Variants in YWHAZ observed in about 807,000 individuals in gnomAD.
The protein encoded by YWHAZ is 14-3-3 protein zeta/delta.
For missense variants in YWHAZ, 79 were observed against 284.8 expected (o/e 0.28, Z 5.20); for synonymous variants, 87 against 103.6 (o/e 0.84, Z 0.97).
chr8:100,951,581 C>G (rs1810786822), intron 1 of YWHAZ: 1 of 985,210 alleles, frequency 1.0e-6, no homozygotes, highest in Admixed American at 6.2e-5. Context: ...CGGCCGGCGG[C>G]GCCCCGGCCA....
chr8:100,933,204 CA>C, intron 2 of YWHAZ, among the ~76,000 whole-genome samples: 1 of 152,104 alleles, frequency 6.6e-6, no homozygotes, highest in South Asian at 2.1e-4. Flanking sequence ...ACTAAAAATA[CA>C]AAAATTAGCT....
In YWHAZ at chr8:100,918,344, C is replaced by CAAAAAAAAAAAAAAAAAA. The variant is rs557779840; in HGVS notation, c.*2348_*2349insTTTTTTTTTTTTTTTTTT. ...GGTGACAGAGCAAGACTCTTGTCTCCAAAAAAAAAAAAAACAACAAAAAAA... is the reference window on the plus strand; with the variant it reads ...GGTGACAGAGCAAGACTCTTGTCTCCAAAAAAAAAAAAAAAAAAAAAAAAAAAAAAAACAACAAAAAAA... On this transcript the variant is annotated 3_prime_UTR_variant, in exon 6 of 6. Transcript: ENST00000395958. 1 of 39,166 alleles carries CAAAAAAAAAAAAAAAAAA rather than the reference C, an allele frequency of 2.6e-5. No individual in the cohort carries two copies. Among genetic ancestry groups the CAAAAAAAAAAAAAAAAAA allele is most frequent in the African/African-American group, 8.2e-5 (1 of 12,210 alleles). The allele number at this position is 39,166 out of a possible 1,614,324, so 2.4% of individuals were successfully genotyped here.
chr8:100,934,134 G>A (rs962164403), intron 2 of YWHAZ, among the ~76,000 whole-genome samples: 12 of 117,404 alleles, frequency 1.0e-4, no homozygotes, highest in Admixed American at 2.2e-4. Context: ...ACTCCAGCCT[G>A]GGCAACAAAG....
intron 2 of YWHAZ, among the ~76,000 whole-genome samples, chr8:100,947,893 T>C (rs1415860184): frequency 6.6e-6 from 1 of 152,244 alleles, no homozygotes; most frequent in African/African-American, 2.4e-5. Flanking sequence ...ATTTAAACTA[T>C]TCTTGATCAA....
intron 2 of YWHAZ, among the ~76,000 whole-genome samples, chr8:100,940,943 T>A (rs1168146742): frequency 6.6e-6 from 1 of 152,228 alleles, no homozygotes. Context: ...TAAAGTTTTA[T>A]CTCTGCTCCA....
chr8:100,939,705 A>C (rs973058106), intron 2 of YWHAZ, among the ~76,000 whole-genome samples: 2 of 151,988 alleles, frequency 1.3e-5, no homozygotes, highest in Middle Eastern at 3.4e-3. Context: ...ACAAATTTTG[A>C]AATGTTGTTC....
chr8:100,928,658 G>A (rs1257724662), intron 2 of YWHAZ, among the ~76,000 whole-genome samples: 4 of 151,878 alleles, frequency 2.6e-5, no homozygotes, highest in African/African-American at 9.7e-5. Flanking sequence ...ACTTGAACCC[G>A]GGAGGCAGAG....
intron 1 of YWHAZ, chr8:100,951,016 C>T (rs1810712480): frequency 5.1e-6 from 2 of 392,726 alleles, no homozygotes; most frequent in Non-Finnish European, 3.5e-6. Context: ...GTTCTCTACC[C>T]CGACCTGGAC....
At chr8:100,938,840 C>G (rs1044504454) in intron 2 of YWHAZ, among the ~76,000 whole-genome samples, 1 of 152,170 alleles carries the variant, frequency 6.6e-6, no homozygotes, top group Non-Finnish European at 1.5e-5. Context: ...ACCAGAAATG[C>G]TAATGATTAG....
chr8:100,930,368 A>T (rs1813681948), intron 2 of YWHAZ, among the ~76,000 whole-genome samples: 1 of 150,756 alleles, frequency 6.6e-6, no homozygotes, highest in African/African-American at 2.5e-5. Flanking sequence ...AAGTGCTGGG[A>T]TTACAGGTGT....
chr8:100,952,211 G>A (rs1810847249), upstream of YWHAZ: 6 of 962,422 alleles, frequency 6.2e-6, no homozygotes, highest in Non-Finnish European at 7.4e-6. Context: ...GCCCGCCCGC[G>A]CTGGAGGGCG....
In YWHAZ at chr8:100,920,702, C is replaced by T. The variant is rs1265753140; in HGVS notation, c.729G>A (p.Gly243=). ...AAAGTTGGAAGGCCGGTTAATTTTC[C>T]CCTCCTTCTCCTGCTTCAGCTTCGT... ...QGDEAEAGEG[G]EN Residue 243 remains glycine (G), a synonymous_variant, in exon 6 of 6, where the codon GGG becomes GGA. Coordinates refer to ENST00000395958, the MANE Select transcript of YWHAZ (RefSeq NM_145690.3). 5 of 1,611,304 alleles carry T rather than the reference C, an allele frequency of 3.1e-6. No homozygotes were observed. Among genetic ancestry groups the T allele is most frequent in the Non-Finnish European group, 3.4e-6 (4 of 1,179,114 alleles).
At chr8:100,939,864 T>C (rs901237600) in intron 2 of YWHAZ, among the ~76,000 whole-genome samples, 2 of 151,154 alleles carry the variant, frequency 1.3e-5, no homozygotes, top group East Asian at 2.0e-4. Context: ...TACTAAAAAA[T>C]ACAAAAGAAT....
intron 2 of YWHAZ, among the ~76,000 whole-genome samples, chr8:100,940,575 T>C (rs1809759374): frequency 6.6e-6 from 1 of 152,260 alleles, no homozygotes; most frequent in Non-Finnish European, 1.5e-5. Flanking sequence ...AATAAAAAAT[T>C]TCAGCTTTCT....
chr8:100,920,672 A>T lies in YWHAZ; in HGVS notation c.*21T>A, dbSNP rs560476770. 1 of 1,598,248 alleles carries T rather than the reference A, an allele frequency of 6.3e-7. No homozygotes were observed. Among genetic ancestry groups the T allele is most frequent in the South Asian group, 1.1e-5 (1 of 90,616 alleles). The stretch of plus-strand genomic sequence containing the variant: ...TACTGTGTAAATTTTAGAATGAGGC[A>T]GACAAAAGTTGGAAGGCCGGTTAAT... On this transcript the variant is annotated 3_prime_UTR_variant, in exon 6 of 6. Transcript: ENST00000395958.
chr8:100,944,523 T>C (rs905797260), intron 2 of YWHAZ, among the ~76,000 whole-genome samples: 1 of 152,230 alleles, frequency 6.6e-6, no homozygotes, highest in Non-Finnish European at 1.5e-5. Flanking sequence ...AGACCTCCTA[T>C]ATAAAGTCAT....
At chr8:100,952,976 T>A, upstream of YWHAZ, 20 of 1,000,146 alleles carry the variant, frequency 2.0e-5, no homozygotes, top group Non-Finnish European at 2.4e-5. Context: ...CTGCGCTCGG[T>A]GACTGCGCGA....
At chr8:100,952,750 G>A, upstream of YWHAZ, 1 of 984,340 alleles carries the variant, frequency 1.0e-6, no homozygotes, top group Admixed American at 6.2e-5. Flanking sequence ...GGTTGTGTGT[G>A]GTGCGCTGCC....
Position 100,918,422 on chromosome 8 carries a change from A to ATATATATATG in YWHAZ, c.*2270_*2271insCATATATATA, listed in dbSNP as rs1554611411. The ATATATATATG allele has an allele frequency of 1.2e-5, 1 of 86,640 alleles. No homozygotes were observed. The highest frequency in any genetic ancestry group is 4.1e-5 in the African/African-American group (1 of 24,366). The allele number at this position is 86,640 out of a possible 1,614,324, so 5.4% of individuals were successfully genotyped here. A position where few individuals can be genotyped will look rare whatever the true frequency, so the allele number is the denominator to read the frequency against. ...ATATAATTACTTTATATATATATAT[A>ATATATATATG]TATATATATATATATATATATAATT... On this transcript the variant is annotated 3_prime_UTR_variant, in exon 6 of 6. Transcript: ENST00000395958.
Sources: allele counts gnomAD v4.1 joint callset (sites outside exome capture counted in the v4.1 genomes callset), GRCh38; gene constraint gnomAD v4.1.1; transcripts MANE v1.5; gene names NCBI Gene and HGNC (gene_info 2026-07-23, HGNC 2026-07-21).